NTRK3: variants seen among roughly 807,000 people sequenced by gnomAD.
NTRK3 encodes the protein neurotrophic receptor tyrosine kinase 3, also known as NT-3 growth factor receptor.
In NTRK3, 24 loss-of-function variants were observed where a neutral mutation model predicts 91.7. The ratio of observed to expected loss-of-function variants is 0.26; its 90% CI spans 0.19 to 0.37. The LOEUF is 0.37. NTRK3 is among the 10% of genes least tolerant of loss of function. The pLI, the probability that NTRK3 is intolerant of heterozygous loss-of-function variation, is 1.00. For synonymous variants in NTRK3, 483 were observed against 404.0 expected, an observed-to-expected ratio of 1.20 and a Z score of -2.34; for missense variants, 880 against 1,068.9, an observed-to-expected ratio of 0.82 and a Z score of 2.46.
intron 13 of NTRK3, among the ~76,000 whole-genome samples, chr15:88,069,532 A>G (rs541662205): frequency 1.3e-5 from 2 of 152,266 alleles, no homozygotes; most frequent in South Asian, 4.1e-4. Context: ...GCTACACCGG[A>G]ACCTCCCGTG....
intron 15 of NTRK3, among the ~76,000 whole-genome samples, chr15:87,938,147 A>T (rs2069477591): frequency 6.6e-6 from 1 of 152,196 alleles, no homozygotes; most frequent in Admixed American, 6.5e-5. Flanking sequence ...TATACTACAC[A>T]TATGTGCAGA....
intron 14 of NTRK3, among the ~76,000 whole-genome samples, chr15:87,955,058 G>GTCTACTTCTAAC: frequency 6.6e-6 from 1 of 152,340 alleles, no homozygotes; most frequent in Middle Eastern, 3.4e-3. Context: ...CATTTGGGAA[G>GTCTACTTCTAAC]TGTGATCTAC....
intron 6 of NTRK3, chr15:88,144,288 G>A (rs933026787): frequency 3.3e-5 from 5 of 152,236 alleles, no homozygotes; most frequent in Admixed American, 2.0e-4. Context: ...AAGATGCGAA[G>A]ATGCTTCAAA....
At chr15:88,015,235 G>A (rs745478852) in intron 14 of NTRK3, among the ~76,000 whole-genome samples, 7 of 152,202 alleles carry the variant, frequency 4.6e-5, no homozygotes, top group Admixed American at 6.5e-5. Flanking sequence ...ACAGTGACAA[G>A]CGTGATAAAC....
At chr15:88,072,579 C>A (rs1244935377) in intron 13 of NTRK3, 1 of 232,534 alleles carries the variant, frequency 4.3e-6, no homozygotes, top group Non-Finnish European at 8.5e-6. Context: ...TTAAGCAAGA[C>A]AGCCAAAAGC....
At position 87,880,436 on chromosome 15, in the gene NTRK3, G is replaced by A. The variant is rs2065176604; in HGVS notation, c.2134-8C>T. 6.2e-7 allele frequency: 1 copy of A among 1,613,886 alleles called. No homozygotes were observed. Among genetic ancestry groups the A allele is most frequent in the Non-Finnish European group, 8.5e-7 (1 of 1,179,932 alleles). ...CATGGTGTGTCCTCCCACCTAAAAG[G>A]GGTTGAGATAGAGGCACACAGAGTG... On this transcript the variant is annotated splice_region_variant and splice_polypyrimidine_tract_variant and intron_variant, in intron 17 of 18. Coordinates refer to ENST00000394480, the Ensembl canonical transcript of NTRK3.
chr15:88,043,019 A>T (rs981475747), intron 13 of NTRK3, among the ~76,000 whole-genome samples: 2 of 152,238 alleles, frequency 1.3e-5, no homozygotes, highest in African/African-American at 2.4e-5. Context: ...CATTTGTAAG[A>T]GAACTGGCTT....
chr15:87,864,005 A>ACACG (rs2064596742), exon 19 of NTRK3: 1 of 232,750 alleles, frequency 4.3e-6, no homozygotes, highest in South Asian at 1.8e-4. Context: ...ACACACACAC[A>ACACG]CACACACACA....
rs188004012 is a variant in NTRK3, at chr15:87,866,858, A to G, written c.*10077T>C. The G allele has an allele frequency of 5.1e-4, 106 of 206,744 alleles. 1 individual carries two copies. The highest frequency in any genetic ancestry group is 2.3e-3 in the African/African-American group (99 of 43,956). 12.8% of individuals were successfully genotyped at this position (206,744 alleles called of 1,614,324 possible). ...TGCTGCTGCAAATCTGTGTGTCAAT[A>G]TTATAGTCACTTCACTAAATAAATA... is the stretch of plus-strand genomic sequence containing the variant. On this transcript the variant is annotated 3_prime_UTR_variant, in exon 19 of 19. Coordinates refer to ENST00000394480, the Ensembl canonical transcript of NTRK3.
chr15:88,136,500 T>C, exon 8 of NTRK3: 1 of 1,614,148 alleles, frequency 6.2e-7, no homozygotes, highest in Non-Finnish European at 8.5e-7. Context: ...GCCCAGTGAC[T>C]ATCCAGTCCA....
chr15:87,965,904 C>A (rs998507645), intron 14 of NTRK3, among the ~76,000 whole-genome samples: 6 of 151,902 alleles, frequency 3.9e-5, no homozygotes, highest in Non-Finnish European at 7.4e-5. Context: ...GTGGTGAAAC[C>A]CCATCTCTAC....
At chr15:87,867,576 C>G (rs1016352826) in exon 19 of NTRK3, 1 of 229,352 alleles carries the variant, frequency 4.4e-6, no homozygotes, top group African/African-American at 2.2e-5. Flanking sequence ...TAGAGGGGCA[C>G]AGGACTGCAA....
intron 3 of NTRK3, among the ~76,000 whole-genome samples, chr15:88,186,021 G>A (rs992739704): frequency 6.6e-6 from 1 of 152,136 alleles, no homozygotes; most frequent in African/African-American, 2.4e-5. Flanking sequence ...GGCAGTTTGG[G>A]TGGTCTGGTC....
At chr15:88,256,323 G>T in exon 2 of NTRK3, 1 of 659,304 alleles carries the variant, frequency 1.5e-6, no homozygotes, top group Non-Finnish European at 2.7e-6. Flanking sequence ...ATCCTTCAGC[G>T]TCTGAAACCA....
Position 87,933,001 on chromosome 15 carries a change from T to G in NTRK3, c.1889+11A>C, listed in dbSNP as rs2141953490. ...TGGGGTCAGGTGCAGGGGAAGACAA[T>G]CCTTGCTTACCTGAGGAACTTATTC... On this transcript the variant is annotated intron_variant, in intron 16 of 18. Transcript: ENST00000394480. The G allele has an allele frequency of 6.2e-7, 1 of 1,613,856 alleles. No individual in the cohort carries two copies. Among genetic ancestry groups the G allele is most frequent in the East Asian group, 2.2e-5 (1 of 44,856 alleles).
chr15:88,177,689 G>C (rs964238888), intron 5 of NTRK3, among the ~76,000 whole-genome samples: 1 of 152,166 alleles, frequency 6.6e-6, no homozygotes, highest in African/African-American at 2.4e-5. Flanking sequence ...CATGCAAGTA[G>C]GCAGTTTGAT....
chr15:87,918,902 C>T (rs1292494529), intron 17 of NTRK3, among the ~76,000 whole-genome samples: 1 of 152,168 alleles, frequency 6.6e-6, no homozygotes, highest in Non-Finnish European at 1.5e-5. Context: ...AGGTTAAGAA[C>T]ACTGATCTAA....
chr15:88,176,797 G>A (rs1287204249), intron 5 of NTRK3, among the ~76,000 whole-genome samples: 3 of 152,202 alleles, frequency 2.0e-5, no homozygotes, highest in African/African-American at 4.8e-5. Flanking sequence ...ATTCCAGTGC[G>A]GGAGATAGAG....
chr15:88,230,532 A>G (rs1359082035), intron 3 of NTRK3, among the ~76,000 whole-genome samples: 1 of 152,232 alleles, frequency 6.6e-6, no homozygotes, highest in African/African-American at 2.4e-5. Context: ...TTCCTCAAAG[A>G]AGAGTAAAAA....
Sources: gnomAD v4.1 joint callset for allele counts (sites outside exome capture counted in the v4.1 genomes callset) on GRCh38, gnomAD v4.1.1 for gene constraint, MANE v1.5 for transcripts, NCBI Gene and HGNC (gene_info 2026-07-23, HGNC 2026-07-21) for gene names.